The following CDH13 variants were observed in gnomAD, a reference collection of about 807,000 sequenced individuals.
CDH13 encodes cadherin-13.
In CDH13, 24 loss-of-function variants were observed where a neutral mutation model predicts 63.8. The ratio of observed to expected loss-of-function variants is 0.38; its 90% CI spans 0.27 to 0.53. CDH13 has a LOEUF of 0.53. CDH13 is among the 20% of genes least tolerant of loss of function. The pLI, the probability that CDH13 is intolerant of heterozygous loss-of-function variation, is 0.85. For synonymous variants in CDH13, 503 were observed against 355.3 expected, an observed-to-expected ratio of 1.42 and a Z score of -4.67; for missense variants, 1,049 against 903.1, an observed-to-expected ratio of 1.16 and a Z score of -2.07.
At chr16:83,272,442 A>G (rs1203295844) in intron 5 of CDH13, among the ~76,000 whole-genome samples, 2 of 152,236 alleles carry the variant, frequency 1.3e-5, no homozygotes, top group South Asian at 4.1e-4. Context: ...TACTGCAGTT[A>G]GCACTTACTA....
At position 83,797,560 on chromosome 16, in the gene CDH13, C is replaced by T. The variant is rs1488899378; in HGVS notation, c.*2530C>T. The T allele has an allele frequency of 2.0e-5, 3 of 152,140 alleles. No homozygotes were observed. Among genetic ancestry groups the T allele is most frequent in the African/African-American group, 4.8e-5 (2 of 41,428 alleles). 9.4% of individuals were successfully genotyped at this position (152,140 alleles called of 1,614,324 possible). Reference sequence around the variant, plus strand: ...AGGAAAATAAACCAATTCTTATAGGCCAAAGTGGTAGCATTTCCTGAATCA... The same window carrying T: ...AGGAAAATAAACCAATTCTTATAGGTCAAAGTGGTAGCATTTCCTGAATCA... On this transcript the variant is annotated 3_prime_UTR_variant, in exon 14 of 14. Coordinates refer to ENST00000567109, the MANE Select transcript of CDH13 (RefSeq NM_001257.5).
rs537752982 is a variant in CDH13 at position 83,102,811 on chromosome 16, T to G, written c.367-22574T>G. Among the ~76,000 whole-genome samples the G allele has an allele frequency of 1.2e-3, 178 of 152,110 alleles. 1 individual carries two copies. Among genetic ancestry groups the G allele is most frequent in the South Asian group, 9.1e-3 (44 of 4,818 alleles). Reference sequence around the variant, plus strand: ...AAGAAATAGTTATATTGTGAATGTATTTTGAAGATGGAGGTCATTAACCAG... The same window carrying G: ...AAGAAATAGTTATATTGTGAATGTAGTTTGAAGATGGAGGTCATTAACCAG... On this transcript the variant is annotated intron_variant, in intron 3 of 13. Coordinates refer to ENST00000567109, the MANE Select transcript of CDH13 (RefSeq NM_001257.5).
chr16:83,425,653 C>G (rs968791555), intron 6 of CDH13, among the ~76,000 whole-genome samples: 5 of 152,240 alleles, frequency 3.3e-5, no homozygotes, highest in African/African-American at 1.2e-4. Flanking sequence ...CTTTAGTCAT[C>G]TCCTAGAACA....
intron 2 of CDH13, among the ~76,000 whole-genome samples, chr16:82,926,332 T>C (rs6565079): frequency 0.76 from 115,544 of 151,912 alleles, 43,977 homozygotes; most frequent in East Asian, 0.8. Flanking sequence ...GTTTTGCAGA[T>C]CTCTTGCATG....
At chr16:83,260,633 G>A (rs1332591070) in intron 5 of CDH13, among the ~76,000 whole-genome samples, 3 of 152,144 alleles carry the variant, frequency 2.0e-5, no homozygotes, top group East Asian at 1.9e-4. Context: ...TCCCCAAAGT[G>A]CGTTAGGCCA....
At chr16:83,756,769 G>A (rs1379552072) in intron 11 of CDH13, among the ~76,000 whole-genome samples, 2 of 152,196 alleles carry the variant, frequency 1.3e-5, no homozygotes, top group East Asian at 3.8e-4. Context: ...GTATGTACTG[G>A]ACAGCACAGA....
intron 11 of CDH13, among the ~76,000 whole-genome samples, chr16:83,750,724 C>T (rs761306028): frequency 2.0e-5 from 3 of 152,190 alleles, no homozygotes; most frequent in African/African-American, 7.2e-5. Flanking sequence ...TGTAAACTTC[C>T]AGCAGCTGGG....
chr16:83,048,404 G>C (rs12934831), intron 3 of CDH13, among the ~76,000 whole-genome samples: 5,946 of 152,162 alleles, frequency 0.039, 375 homozygotes, highest in African/African-American at 0.14. Context: ...AGGTATTCAC[G>C]CTCCTGGACC....
At chr16:83,133,403 G>A (rs920922714) in intron 4 of CDH13, among the ~76,000 whole-genome samples, 8 of 151,576 alleles carry the variant, frequency 5.3e-5, no homozygotes, top group African/African-American at 1.9e-4. Flanking sequence ...TTTTTAACGT[G>A]GCTGCCAGAA....
chr16:82,653,371 T>C (rs8062352), intron 1 of CDH13, among the ~76,000 whole-genome samples: 5,901 of 152,248 alleles, frequency 0.039, 356 homozygotes, highest in African/African-American at 0.13. Flanking sequence ...GCCTCAGGTG[T>C]GTTGGAAATA....
At chr16:82,680,134 C>G (rs1173705417) in intron 1 of CDH13, among the ~76,000 whole-genome samples, 13 of 152,160 alleles carry the variant, frequency 8.5e-5, no homozygotes, top group East Asian at 1.9e-4. Context: ...GGCTCAGCAT[C>G]TGGGAAGAAT....
chr16:82,656,760 C>G (rs955150576), intron 1 of CDH13, among the ~76,000 whole-genome samples: 3 of 152,194 alleles, frequency 2.0e-5, no homozygotes, highest in Admixed American at 2.0e-4. Flanking sequence ...TCCCTAACCC[C>G]TGGCAATCCA....
intron 2 of CDH13, among the ~76,000 whole-genome samples, chr16:82,927,872 G>T (rs944406317): frequency 6.6e-6 from 1 of 152,178 alleles, no homozygotes; most frequent in African/African-American, 2.4e-5. Context: ...TGAGAGAATT[G>T]GTTGGTACTT....
intron 3 of CDH13, among the ~76,000 whole-genome samples, chr16:83,059,934 C>CAGT (rs1015056448): frequency 1.3e-5 from 2 of 151,626 alleles, no homozygotes; most frequent in Non-Finnish European, 2.9e-5. Flanking sequence ...GCTGGGACTA[C>CAGT]AGGTGCCCGC....
chr16:82,759,757 T>C (rs1220939207), intron 1 of CDH13, among the ~76,000 whole-genome samples: 1 of 152,064 alleles, frequency 6.6e-6, no homozygotes, highest in African/African-American at 2.4e-5. Context: ...AGAATTCAAA[T>C]AGGTTCTGCC....
chr16:82,817,271 T>C (rs187577133), intron 1 of CDH13, among the ~76,000 whole-genome samples: 163 of 152,206 alleles, frequency 1.1e-3, no homozygotes, highest in African/African-American at 3.6e-3. Context: ...CCAGTGGCCA[T>C]ACAGGTCCAC....
intron 2 of CDH13, among the ~76,000 whole-genome samples, chr16:82,938,234 C>T (rs1273778818): frequency 6.6e-6 from 1 of 152,072 alleles, no homozygotes; most frequent in African/African-American, 2.4e-5. Flanking sequence ...CAGCCTTTGC[C>T]TGGTTACATT....
intron 1 of CDH13, among the ~76,000 whole-genome samples, chr16:82,748,096 G>T (rs2034256930): frequency 6.6e-6 from 1 of 152,042 alleles, no homozygotes; most frequent in Admixed American, 6.6e-5. Context: ...TTTGCCCCCA[G>T]TCTCCTATTT....
intron 6 of CDH13, among the ~76,000 whole-genome samples, chr16:83,388,917 G>A (rs1417696012): frequency 6.6e-6 from 1 of 152,144 alleles, no homozygotes; most frequent in Non-Finnish European, 1.5e-5. Flanking sequence ...CTCATAAGGT[G>A]GGAGAAGCGT....
Sources: allele counts gnomAD v4.1 joint callset (sites outside exome capture counted in the v4.1 genomes callset), GRCh38; gene constraint gnomAD v4.1.1; transcripts MANE v1.5; gene names NCBI Gene and HGNC (gene_info 2026-07-23, HGNC 2026-07-21).